ABCB1: variants seen among roughly 807,000 people sequenced by gnomAD.
ABCB1 encodes ATP binding cassette subfamily B member 1, also known as ATP-dependent translocase ABCB1.
In ABCB1, 69 loss-of-function variants were observed where a neutral mutation model predicts 142.0. The ratio of observed to expected loss-of-function variants is 0.49; its 90% confidence interval spans 0.40 to 0.59. ABCB1 has a LOEUF of 0.59. ABCB1 is among the 20% of genes least tolerant of loss of function. The probability of loss-of-function intolerance (pLI) is 0.00; values close to 1 mark genes in which losing one functional copy is unlikely to be tolerated. For missense variants in ABCB1, 1,326 were observed against 1,554.7 expected, an observed-to-expected ratio of 0.85 and a Z score of 2.47; for synonymous variants, 532 against 539.2, an observed-to-expected ratio of 0.99 and a Z score of 0.18.
At chr7:87,523,694 A>G (rs1815644101) in intron 21 of ABCB1, among the ~76,000 whole-genome samples, 1 of 152,230 alleles carries the variant, frequency 6.6e-6, no homozygotes. Flanking sequence ...TGATTAGGAA[A>G]CATACATCCT....
chr7:87,585,445 A>C (rs1818702749), intron 4 of ABCB1, 67 bp downstream of exon 4: 3 of 1,528,336 alleles, frequency 2.0e-6, no homozygotes, highest in Non-Finnish European at 2.7e-6. Context: ...AGAATCCATA[A>C]ACATCACTCT....
At chr7:87,631,248 C>A (rs1378494799) in intron 1 of ABCB1, among the ~76,000 whole-genome samples, 1 of 152,090 alleles carries the variant, frequency 6.6e-6, no homozygotes, top group Non-Finnish European at 1.5e-5. Context: ...TCACTATAGG[C>A]CATTTGTACA....
chr7:87,539,682 C>T (rs932576718), intron 18 of ABCB1, among the ~76,000 whole-genome samples: 1 of 152,152 alleles, frequency 6.6e-6, no homozygotes, highest in African/African-American at 2.4e-5. Flanking sequence ...CACTGGACTC[C>T]CTCCCCATGT....
At chr7:87,707,551 G>A (rs936126482) in intron 1 of ABCB1, among the ~76,000 whole-genome samples, 1 of 152,092 alleles carries the variant, frequency 6.6e-6, no homozygotes, top group African/African-American at 2.4e-5. Context: ...GCACGCACCT[G>A]TAGCCCCAGC....
upstream of ABCB1, among the ~76,000 whole-genome samples, chr7:87,603,883 C>T (rs1466650121): frequency 6.6e-6 from 1 of 152,234 alleles, no homozygotes; most frequent in South Asian, 2.1e-4. Context: ...AATGTTATGG[C>T]AAGATTAAGT....
At position 87,581,547 on chromosome 7, in the gene ABCB1, A is replaced by G. The variant is rs1174870129; in HGVS notation, c.286+3965T>C. 2.6e-5 allele frequency among the ~76,000 whole-genome samples: 4 copies of G among 152,206 alleles called. 1 individual carries two copies. The highest frequency in any genetic ancestry group is 9.6e-5 in the African/African-American group (4 of 41,452). ...AGAGATTTTAAGGCAAAGGCTACAC[A>G]TATTCTATAATTAAACCAGAGATAG... On this transcript the variant is annotated intron_variant, in intron 4 of 27. Transcript: ENST00000622132.
At chr7:87,612,543 T>C (rs951906230) in intron 1 of ABCB1, among the ~76,000 whole-genome samples, 6 of 152,168 alleles carry the variant, frequency 3.9e-5, no homozygotes, top group Non-Finnish European at 2.9e-5. Context: ...CATGATTTTG[T>C]GTGCTTTGTC....
In ABCB1 at chr7:87,531,369, T is replaced by A. The variant is rs2117130315; in HGVS notation, c.2610A>T (p.Ile870=). 6.2e-7 allele frequency: 1 copy of A among 1,613,546 alleles called. No individual in the cohort carries two copies. The highest frequency in any genetic ancestry group is 2.2e-5 in the East Asian group (1 of 44,800). Residue 870 remains isoleucine, a synonymous_variant, in exon 21 of 28, where the codon ATA becomes ATT. Transcript: ENST00000622132. ...ACATTTTCATTTCAACAACTCCTGC[T>A]ATTGCAATGATGGGTACAATTGCTA... The part of the protein sequence containing the change: ...LLLAIVPIIA[I]AGVVEMKMLS...
At chr7:87,541,518 G>A (rs1443258546) in intron 17 of ABCB1, 54 bp from the exon 18 acceptor site, 8 of 1,224,250 alleles carry the variant, frequency 6.5e-6, no homozygotes, top group Non-Finnish European at 8.5e-6. Context: ...AACCCATCCT[G>A]GACCTGACCC....
chr7:87,597,017 C>T (rs1036376953), intron 2 of ABCB1, among the ~76,000 whole-genome samples: 6 of 152,220 alleles, frequency 3.9e-5, no homozygotes, highest in African/African-American at 9.6e-5. Context: ...ACTTCCCACA[C>T]ACAATTCATA....
chr7:87,629,710 G>C (rs1427143224), intron 1 of ABCB1, among the ~76,000 whole-genome samples: 1 of 151,834 alleles, frequency 6.6e-6, no homozygotes, highest in Non-Finnish European at 1.5e-5. Context: ...GGCGGATCAC[G>C]AGGTCGGAGT....
At chr7:87,694,876 G>A (rs981059330) in intron 1 of ABCB1, among the ~76,000 whole-genome samples, 1 of 152,018 alleles carries the variant, frequency 6.6e-6, no homozygotes, top group Non-Finnish European at 1.5e-5. Flanking sequence ...TAATCTTTTT[G>A]TTTTGGAAAA....
At chr7:87,534,260 A>G (rs1563039162) in intron 20 of ABCB1, among the ~76,000 whole-genome samples, 1 of 152,106 alleles carries the variant, frequency 6.6e-6, no homozygotes, top group African/African-American at 2.4e-5. Context: ...GATGCGGGAT[A>G]TTTGTCCATC....
intron 8 of ABCB1, among the ~76,000 whole-genome samples, chr7:87,557,600 CTGTG>C (rs1440983394): frequency 6.6e-6 from 1 of 152,190 alleles, no homozygotes; most frequent in African/African-American, 2.4e-5. Context: ...CTGGATATAG[CTGTG>C]TAAGTCCATT....
chr7:87,558,475 A>G (rs1817406688), intron 8 of ABCB1, among the ~76,000 whole-genome samples: 1 of 152,130 alleles, frequency 6.6e-6, no homozygotes, highest in African/African-American at 2.4e-5. Flanking sequence ...GAATAACGAC[A>G]GTTTTCTTCC....
chr7:87,654,016 G>C (rs1823833552), intron 1 of ABCB1, among the ~76,000 whole-genome samples: 1 of 152,002 alleles, frequency 6.6e-6, no homozygotes, highest in Non-Finnish European at 1.5e-5. Flanking sequence ...TAGTTTGCCT[G>C]AGCTGAAGTT....
intron 4 of ABCB1, among the ~76,000 whole-genome samples, chr7:87,581,069 G>C (rs1415661262): frequency 6.6e-6 from 1 of 151,800 alleles, no homozygotes; most frequent in East Asian, 1.9e-4. Flanking sequence ...GATTTCTGGA[G>C]GCTTTTGTTT....
intron 1 of ABCB1, among the ~76,000 whole-genome samples, chr7:87,649,324 C>A (rs1458173088): frequency 6.6e-6 from 1 of 152,160 alleles, no homozygotes; most frequent in African/African-American, 2.4e-5. Flanking sequence ...TCAACAGGTA[C>A]CTACTGGGTA....
In ABCB1 at chr7:87,617,053, C is replaced by A. The variant is rs530537558; in HGVS notation, c.-330-15975G>T. Among the ~76,000 whole-genome samples, 3 of 152,274 alleles carry A rather than the reference C, an allele frequency of 2.0e-5. No homozygotes were observed. In the South Asian group the frequency reaches 6.2e-4, roughly 32 times the overall value. ...TACAAGTTGATTTGGGTTATATATT[C>A]TATGTAGCCCATGAAATTAGAGTTC... On this transcript the variant is annotated intron_variant, in intron 1 of 28. Coordinates refer to the ABCB1 transcript ENST00000265724.
Sources: gnomAD v4.1 joint callset for allele counts (sites outside exome capture counted in the v4.1 genomes callset) on GRCh38, gnomAD v4.1.1 for gene constraint, MANE v1.5 for transcripts, NCBI Gene and HGNC (gene_info 2026-07-23, HGNC 2026-07-21) for gene names.